Variants in C1QTNF3 observed in about 807,000 individuals in gnomAD.
The protein encoded by C1QTNF3 is C1q and TNF related 3, also known as complement C1q tumor necrosis factor-related protein 3.
C1QTNF3 carries 26 observed loss-of-function variants against 32.6 expected under a neutral mutation model. That is an observed-to-expected ratio of 0.80 (90% CI 0.58 to 1.11). The LOEUF is 1.11. C1QTNF3 is among the 50% of genes least tolerant of loss of function. The pLI, the probability that C1QTNF3 is intolerant of heterozygous loss-of-function variation, is 0.00. For synonymous variants in C1QTNF3, 155 were observed against 146.0 expected (o/e 1.06, Z -0.44); for missense variants, 362 against 398.2 (o/e 0.91, Z 0.77).
the C1QTNF3 span, among the ~76,000 whole-genome samples, chr5:34,157,477 A>C: frequency 6.6e-6 from 1 of 152,302 alleles, no homozygotes; most frequent in Middle Eastern, 3.4e-3. Flanking sequence ...TTGTCCCCAA[A>C]ATATGTGAAT....
the C1QTNF3 span, among the ~76,000 whole-genome samples, chr5:34,125,757 T>C: frequency 6.6e-6 from 1 of 152,244 alleles, no homozygotes; most frequent in Admixed American, 6.5e-5. Context: ...ACACGAGAGA[T>C]ATATGCATTT....
the C1QTNF3 span, among the ~76,000 whole-genome samples, chr5:34,096,705 T>C: frequency 1.3e-5 from 2 of 150,214 alleles, no homozygotes; most frequent in Non-Finnish European, 3.0e-5. Flanking sequence ...GCTAAATAAG[T>C]AGAGATAGGA....
At chr5:34,130,700 T>G in the C1QTNF3 span, among the ~76,000 whole-genome samples, 1 of 152,250 alleles carries the variant, frequency 6.6e-6, no homozygotes, top group South Asian at 2.1e-4. Context: ...AGTGCACAAC[T>G]AGAGGCCCTG....
At position 34,018,671 on chromosome 5, in the gene C1QTNF3, A is replaced by G. The variant is rs772163738; in HGVS notation, c.*1912T>C. Among the ~76,000 whole-genome samples the G allele has an allele frequency of 3.1e-4, 47 of 152,198 alleles. No homozygotes were observed. The highest frequency in any genetic ancestry group is 6.2e-4 in the Non-Finnish European group (42 of 68,044). On this transcript the variant is annotated 3_prime_UTR_variant, in exon 6 of 6. Transcript: ENST00000382065. ...CTTTTATTCATGATACAATCAATAA[A>G]ATTCCTTCAATATAATCTCTTTGTT...
the C1QTNF3 span, among the ~76,000 whole-genome samples, chr5:34,172,287 G>A: frequency 8.6e-5 from 13 of 151,974 alleles, no homozygotes; most frequent in East Asian, 2.5e-3. Flanking sequence ...TGATAAAATA[G>A]AACATTTATA....
chr5:34,110,995 C>A, the C1QTNF3 span, among the ~76,000 whole-genome samples: 8 of 152,134 alleles, frequency 5.3e-5, no homozygotes, highest in South Asian at 2.1e-4. Context: ...AAACCTACAT[C>A]CAAGGCTCTT....
chr5:34,111,078 T>C, the C1QTNF3 span, among the ~76,000 whole-genome samples: 2 of 152,200 alleles, frequency 1.3e-5, no homozygotes, highest in African/African-American at 2.4e-5. Context: ...TGTTACCATT[T>C]TGATGATGGC....
chr5:34,095,839 T>C, the C1QTNF3 span, among the ~76,000 whole-genome samples: 1 of 150,448 alleles, frequency 6.6e-6, no homozygotes, highest in Non-Finnish European at 1.5e-5. Context: ...AAAGCGAAAA[T>C]GGAAGGTTAA....
the C1QTNF3 span, among the ~76,000 whole-genome samples, chr5:34,052,307 C>T: frequency 6.6e-6 from 1 of 152,158 alleles, no homozygotes; most frequent in African/African-American, 2.4e-5. Context: ...GTCATCTTTG[C>T]AGTACTTTCC....
chr5:34,176,419 CA>C, the C1QTNF3 span, among the ~76,000 whole-genome samples: 1,085 of 98,714 alleles, frequency 0.011, 11 homozygotes, highest in African/African-American at 0.03. Context: ...AAAAAAAATA[CA>C]AAAAAAAAAG....
chr5:34,115,271 A>T, the C1QTNF3 span, among the ~76,000 whole-genome samples: 1 of 152,188 alleles, frequency 6.6e-6, no homozygotes, highest in Non-Finnish European at 1.5e-5. Flanking sequence ...ATATCTTCAT[A>T]TCTAATGCTG....
At chr5:34,059,390 G>T in the C1QTNF3 span, among the ~76,000 whole-genome samples, 1 of 152,076 alleles carries the variant, frequency 6.6e-6, no homozygotes, top group East Asian at 1.9e-4. Flanking sequence ...CCTTCAGGCT[G>T]CTATAACAAA....
the C1QTNF3 span, among the ~76,000 whole-genome samples, chr5:34,056,752 C>T: frequency 2.6e-5 from 4 of 152,036 alleles, no homozygotes; most frequent in Admixed American, 2.6e-4. Flanking sequence ...CTCAAGTGAT[C>T]CTCCCACCTG....
intron 5 of C1QTNF3, among the ~76,000 whole-genome samples, chr5:34,022,631 T>A (rs1754359765): frequency 6.6e-6 from 1 of 152,152 alleles, no homozygotes; most frequent in South Asian, 2.1e-4. Flanking sequence ...GGTTAGCTGT[T>A]CACCAGAATC....
chr5:34,067,387 C>T, the C1QTNF3 span, among the ~76,000 whole-genome samples: 4 of 152,176 alleles, frequency 2.6e-5, no homozygotes, highest in Admixed American at 6.6e-5. Context: ...AAAGACATAC[C>T]TGAGACTGGG....
the C1QTNF3 span, among the ~76,000 whole-genome samples, chr5:34,055,765 A>G: frequency 2.6e-5 from 4 of 152,222 alleles, no homozygotes; most frequent in Non-Finnish European, 4.4e-5. Flanking sequence ...TAATAAATCA[A>G]AACTCCAGGG....
the C1QTNF3 span, among the ~76,000 whole-genome samples, chr5:34,176,419 C>CA: frequency 0.015 from 1,464 of 98,716 alleles, 19 homozygotes; most frequent in African/African-American, 0.03. Flanking sequence ...AAAAAAAATA[C>CA]AAAAAAAAAA....
Position 34,043,151 on chromosome 5 carries a change from C to T in C1QTNF3, c.-26G>A. 6.3e-7 allele frequency: 1 copy of T among 1,595,050 alleles called. No individual in the cohort carries two copies. The highest frequency in any genetic ancestry group is 2.2e-5 in the East Asian group (1 of 44,788). ...GATTCTCAACAGAGCCTCAGAGTCTCCCTGAGAAGACAGCAGAGCTCCAGG... is the reference window on the plus strand; with the variant it reads ...GATTCTCAACAGAGCCTCAGAGTCTTCCTGAGAAGACAGCAGAGCTCCAGG... On this transcript the variant is annotated 5_prime_UTR_variant, in exon 1 of 6. Transcript: ENST00000382065.
At chr5:34,234,363 T>G in the C1QTNF3 span, among the ~76,000 whole-genome samples, 1 of 152,162 alleles carries the variant, frequency 6.6e-6, no homozygotes, top group African/African-American at 2.4e-5. Flanking sequence ...CCAGATTACT[T>G]TGTATATATC....
Sources: allele counts gnomAD v4.1 joint callset (sites outside exome capture counted in the v4.1 genomes callset), GRCh38; gene constraint gnomAD v4.1.1; transcripts MANE v1.5; gene names NCBI Gene and HGNC (gene_info 2026-07-23, HGNC 2026-07-21).